Variants in COG5 observed in about 807,000 individuals in gnomAD.
COG5 encodes the protein component of oligomeric golgi complex 5.
Under a neutral mutation model 110.4 loss-of-function variants are expected in COG5, and 86 were observed. That is an observed-to-expected ratio of 0.78 (90% CI 0.65 to 0.93). The LOEUF (loss-of-function observed/expected upper bound fraction) is 0.93. Among genes scored for constraint, COG5 ranks in the 40% least tolerant of loss-of-function variants. The probability of loss-of-function intolerance (pLI) is 0.00; values close to 1 mark genes in which losing one functional copy is unlikely to be tolerated. For missense variants in COG5, 1,077 were observed against 987.0 expected (o/e 1.09, Z -1.22); for synonymous variants, 360 against 334.6 (o/e 1.08, Z -0.83).
At chr7:107,393,663 C>T (rs1280145428) in intron 7 of COG5, among the ~76,000 whole-genome samples, 1 of 152,184 alleles carries the variant, frequency 6.6e-6, no homozygotes, top group Non-Finnish European at 1.5e-5. Flanking sequence ...TGACTTTACA[C>T]GATCTCCAGA....
At chr7:107,552,954 A>AT (rs1441866572) in intron 3 of COG5, among the ~76,000 whole-genome samples, 9 of 152,234 alleles carry the variant, frequency 5.9e-5, no homozygotes, top group African/African-American at 2.2e-4. Flanking sequence ...ACTATGTCCT[A>AT]TATAGCAATA....
At chr7:107,215,195 A>G (rs1799437384) in intron 19 of COG5, among the ~76,000 whole-genome samples, 2 of 152,200 alleles carry the variant, frequency 1.3e-5, no homozygotes, top group African/African-American at 2.4e-5. Flanking sequence ...ATACCACTAC[A>G]GAAAACAATC....
intron 5 of COG5, among the ~76,000 whole-genome samples, chr7:107,545,714 A>T (rs1483021839): frequency 7.3e-6 from 1 of 136,320 alleles, no homozygotes; most frequent in African/African-American, 2.7e-5. Context: ...TGGGAGGTGG[A>T]GGTTGCAGTG....
At chr7:107,434,259 A>G (rs1426049281) in intron 6 of COG5, among the ~76,000 whole-genome samples, 2 of 152,172 alleles carry the variant, frequency 1.3e-5, no homozygotes, top group Non-Finnish European at 2.9e-5. Context: ...AACCATATAG[A>G]CCTTCCTGGA....
intron 7 of COG5, among the ~76,000 whole-genome samples, chr7:107,392,872 C>T (rs928891783): frequency 5.9e-5 from 9 of 152,112 alleles, no homozygotes; most frequent in African/African-American, 1.7e-4. Context: ...CAAATACACA[C>T]GTTAGCTCAA....
chr7:107,546,436 T>TTTTTTTTG (rs1448884007), intron 5 of COG5, among the ~76,000 whole-genome samples: 10 of 57,588 alleles, frequency 1.7e-4, no homozygotes, highest in African/African-American at 5.4e-4. Flanking sequence ...TGGTTTTTTG[T>TTTTTTTTG]TTTTTTTTTT....
intron 5 of COG5, among the ~76,000 whole-genome samples, chr7:107,545,779 C>CAAAAAAAAAAGAAA (rs1802373635): frequency 1.4e-5 from 1 of 69,852 alleles, no homozygotes; most frequent in Non-Finnish European, 2.6e-5. Flanking sequence ...GACTCCATCT[C>CAAAAAAAAAAGAAA]AAAAAAAAAA....
intron 7 of COG5, among the ~76,000 whole-genome samples, chr7:107,374,697 T>C (rs1472530041): frequency 6.6e-6 from 1 of 152,094 alleles, no homozygotes; most frequent in South Asian, 2.1e-4. Context: ...ATTACAAATA[T>C]AGCTCATCAT....
In COG5 at chr7:107,248,495, A is replaced by G. The variant is rs775750722; in HGVS notation, c.1754T>C (p.Ile585Thr). Residue 585 changes from isoleucine to threonine, a missense_variant, in exon 17 of 22, where the codon ATT becomes ACT. Coordinates refer to ENST00000297135, the MANE Select transcript of COG5 (RefSeq NM_006348.5). Reference sequence around the variant, plus strand: ...CACAGCATTTTCCATAAGAGCATGAATAGCCTAAAAAAAAAAAAGAAAGAA... The same window carrying G: ...CACAGCATTTTCCATAAGAGCATGAGTAGCCTAAAAAAAAAAAAGAAAGAA... ...EQTIISALKA[I>T]HALMENAVQP... is the part of the protein sequence containing the mutation. 3 of 1,589,578 alleles carry G rather than the reference A, an allele frequency of 1.9e-6. No homozygotes were observed. The highest frequency in any genetic ancestry group is 2.6e-6 in the Non-Finnish European group (3 of 1,162,328).
At chr7:107,248,310 G>A in intron 17 of COG5, 86 bp downstream of exon 17, 2 of 866,430 alleles carry the variant, frequency 2.3e-6, no homozygotes, top group Admixed American at 3.4e-5. Flanking sequence ...TGGATGGCAG[G>A]GGGGCAGCTT....
At chr7:107,475,928 A>C (rs1432093127) in intron 6 of COG5, among the ~76,000 whole-genome samples, 1 of 151,520 alleles carries the variant, frequency 6.6e-6, no homozygotes, top group East Asian at 1.9e-4. Flanking sequence ...GTAAAAAATC[A>C]TAGAATTTAT....
chr7:107,351,580 T>C (rs530224264), intron 10 of COG5, among the ~76,000 whole-genome samples: 16 of 152,086 alleles, frequency 1.1e-4, no homozygotes, highest in African/African-American at 2.4e-4. Flanking sequence ...GGCTAATATC[T>C]AGAATCTACA....
chr7:107,233,735 T>G (rs1236605622), intron 18 of COG5, among the ~76,000 whole-genome samples: 1 of 152,142 alleles, frequency 6.6e-6, no homozygotes, highest in African/African-American at 2.4e-5. Context: ...GAATATGAAT[T>G]GATAGAACTT....
At chr7:107,447,445 T>C (rs1563040651) in intron 6 of COG5, among the ~76,000 whole-genome samples, 1 of 152,208 alleles carries the variant, frequency 6.6e-6, no homozygotes, top group Non-Finnish European at 1.5e-5. Flanking sequence ...TGTAATTTCA[T>C]AAATGTTTGT....
intron 10 of COG5, among the ~76,000 whole-genome samples, chr7:107,331,825 T>C (rs1194981516): frequency 6.7e-6 from 1 of 150,182 alleles, no homozygotes; most frequent in Admixed American, 6.6e-5. Flanking sequence ...CAAGTGGAGA[T>C]GACCCTGCTT....
At chr7:107,296,748 G>C (rs943677104) in intron 12 of COG5, among the ~76,000 whole-genome samples, 2 of 152,000 alleles carry the variant, frequency 1.3e-5, no homozygotes, top group African/African-American at 4.8e-5. Context: ...CTGCCAGTCA[G>C]AGCTTCTAAC....
intron 10 of COG5, among the ~76,000 whole-genome samples, chr7:107,358,942 A>C (rs1812862371): frequency 6.6e-6 from 1 of 152,084 alleles, no homozygotes. Flanking sequence ...TTTGCTGCGC[A>C]TCCTTTCATT....
chr7:107,410,965 C>T (rs921106096), intron 7 of COG5, among the ~76,000 whole-genome samples: 9 of 152,228 alleles, frequency 5.9e-5, no homozygotes, highest in African/African-American at 2.2e-4. Context: ...AGATGTCAAA[C>T]GACTGTGAGC....
chr7:107,451,669 G>A (rs918530008), intron 6 of COG5, among the ~76,000 whole-genome samples: 3 of 152,068 alleles, frequency 2.0e-5, no homozygotes, highest in Non-Finnish European at 4.4e-5. Context: ...TCAACATGAA[G>A]ACGATGTGAA....
Sources: gnomAD v4.1 joint callset for allele counts (sites outside exome capture counted in the v4.1 genomes callset) on GRCh38, gnomAD v4.1.1 for gene constraint, MANE v1.5 for transcripts, NCBI Gene and HGNC (gene_info 2026-07-23, HGNC 2026-07-21) for gene names.